The following GPHN variants were observed in gnomAD, a reference collection of about 807,000 sequenced individuals.
The protein encoded by GPHN is gephyrin.
Under a neutral mutation model 95.5 loss-of-function variants are expected in GPHN, and 17 were observed. The observed-to-expected ratio is 0.18, with a 90% confidence interval of 0.12 to 0.27. The LOEUF is 0.27. Ranked by LOEUF, GPHN falls within the 10% of genes least tolerant of loss-of-function variation. The pLI is 1.00. For missense variants in GPHN, 660 were observed against 978.1 expected (o/e 0.67, Z 4.34); for synonymous variants, 320 against 322.5 (o/e 0.99, Z 0.08).
chr14:66,541,500 C>T (rs868082367), intron 1 of GPHN, among the ~76,000 whole-genome samples: 1 of 152,028 alleles, frequency 6.6e-6, no homozygotes. Context: ...ACAAAAATAC[C>T]TATGAAGAAG....
At chr14:67,070,048 T>C (rs1478809037) in intron 11 of GPHN, among the ~76,000 whole-genome samples, 1 of 152,136 alleles carries the variant, frequency 6.6e-6, no homozygotes, top group Non-Finnish European at 1.5e-5. Context: ...TTGCTGTCTA[T>C]TTTTTAATTT....
the GPHN span, chr14:67,692,407 C>T: frequency 6.2e-7 from 1 of 1,611,424 alleles, no homozygotes; most frequent in Non-Finnish European, 8.5e-7. Context: ...CCTCAAGACC[C>T]ACAACATAGT....
intron 21 of GPHN, among the ~76,000 whole-genome samples, chr14:67,174,436 T>G (rs1335913211): frequency 6.6e-6 from 1 of 152,228 alleles, no homozygotes; most frequent in Non-Finnish European, 1.5e-5. Context: ...CTGCATAGTA[T>G]TCCATGGTGT....
the GPHN span, chr14:67,599,956 G>A: frequency 7.4e-7 from 1 of 1,351,222 alleles, no homozygotes; most frequent in African/African-American, 1.5e-5. Context: ...CTCGACCAAA[G>A]ACCCCAAAGA....
At chr14:67,239,096 T>C in the GPHN span, among the ~76,000 whole-genome samples, 1 of 152,206 alleles carries the variant, frequency 6.6e-6, no homozygotes, top group African/African-American at 2.4e-5. Context: ...GGTGGGGTCC[T>C]GTATGGGAAT....
chr14:67,013,666 A>G (rs1050968868), intron 9 of GPHN, among the ~76,000 whole-genome samples: 2 of 152,038 alleles, frequency 1.3e-5, no homozygotes, highest in Non-Finnish European at 2.9e-5. Context: ...CATGTGCCTT[A>G]TGAATGCTAG....
chr14:67,142,878 T>C (rs746258346), intron 17 of GPHN: 5 of 209,262 alleles, frequency 2.4e-5, no homozygotes, highest in Non-Finnish European at 4.8e-5. Flanking sequence ...ACAAAGCTCT[T>C]TCCCATTCCT....
intron 1 of GPHN, among the ~76,000 whole-genome samples, chr14:66,595,235 T>C (rs192704739): frequency 6.6e-6 from 1 of 152,186 alleles, no homozygotes; most frequent in Non-Finnish European, 1.5e-5. Context: ...TTGTAAACAG[T>C]ATGGAGGTAT....
At chr14:67,450,939 GA>G in the GPHN span, among the ~76,000 whole-genome samples, 3 of 152,208 alleles carry the variant, frequency 2.0e-5, 1 homozygote, top group South Asian at 6.2e-4. Flanking sequence ...GGCCTAGGAG[GA>G]AAAAGTGGTT....
the GPHN span, chr14:67,646,692 G>T: frequency 7.2e-5 from 116 of 1,613,716 alleles, no homozygotes; most frequent in Non-Finnish European, 5.9e-6. Flanking sequence ...TATCTCTTCT[G>T]CAAGTATTGT....
the GPHN span, chr14:67,515,510 G>T: frequency 2.6e-5 from 4 of 156,242 alleles, no homozygotes; most frequent in Non-Finnish European, 4.2e-5. Flanking sequence ...CTGCCGCCCG[G>T]CTTAACTCCT....
intron 9 of GPHN, among the ~76,000 whole-genome samples, chr14:66,987,501 A>G (rs2071105466): frequency 1.3e-5 from 2 of 152,112 alleles, no homozygotes; most frequent in Admixed American, 1.3e-4. Context: ...ACACATATAT[A>G]TGTTTAAGAA....
the GPHN span, chr14:67,467,439 A>C: frequency 6.6e-6 from 1 of 152,276 alleles, no homozygotes; most frequent in South Asian, 2.1e-4. Context: ...GGCCCAGGGC[A>C]AAAAGAAGGC....
intron 1 of GPHN, among the ~76,000 whole-genome samples, chr14:66,663,081 A>G (rs1340832043): frequency 1.3e-5 from 2 of 152,208 alleles, no homozygotes; most frequent in East Asian, 1.9e-4. Context: ...GGACTTCCCC[A>G]ACCTAGCTAG....
At chr14:67,348,105 G>A in the GPHN span, among the ~76,000 whole-genome samples, 8 of 149,668 alleles carry the variant, frequency 5.3e-5, no homozygotes, top group Admixed American at 2.0e-4. Context: ...GATGAGTTTC[G>A]CTCTTGTTGC....
At chr14:67,118,704 C>G (rs980216897) in intron 16 of GPHN, among the ~76,000 whole-genome samples, 2 of 151,842 alleles carry the variant, frequency 1.3e-5, no homozygotes, top group African/African-American at 4.8e-5. Context: ...CTCACTACAG[C>G]CAGGGCGACA....
intron 21 of GPHN, among the ~76,000 whole-genome samples, chr14:67,177,131 A>G (rs1484818198): frequency 2.0e-5 from 3 of 151,868 alleles, no homozygotes; most frequent in African/African-American, 7.3e-5. Context: ...TTTTGAATTT[A>G]TTTCCTCTTA....
intron 1 of GPHN, among the ~76,000 whole-genome samples, chr14:66,591,286 G>A (rs1179968200): frequency 1.3e-5 from 2 of 152,176 alleles, no homozygotes; most frequent in Admixed American, 6.5e-5. Context: ...ATTCAACATA[G>A]TATTGGAAGT....
the GPHN span, chr14:67,729,105 T>C: frequency 7.3e-7 from 1 of 1,361,846 alleles, no homozygotes; most frequent in Non-Finnish European, 1.0e-6. Flanking sequence ...TCCCTCCTTC[T>C]CACTTGTGTA....
Sources: allele counts gnomAD v4.1 joint callset (sites outside exome capture counted in the v4.1 genomes callset), GRCh38; gene constraint gnomAD v4.1.1; transcripts MANE v1.5; gene names NCBI Gene and HGNC (gene_info 2026-07-23, HGNC 2026-07-21).